MROH1: variants seen among roughly 807,000 people sequenced by gnomAD.
MROH1 encodes the protein maestro heat like repeat family member 1.
MROH1 carries 117 observed loss-of-function variants against 116.5 expected under a neutral mutation model. The observed-to-expected ratio is 1.00, with a 90% CI of 0.86 to 1.17. The LOEUF is 1.17. MROH1 is among the 50% of genes most tolerant of loss of function. MROH1 has a pLI of 0.00. For missense variants in MROH1, 1,873 were observed against 1,338.5 expected, an observed-to-expected ratio of 1.40 and a Z score of -6.23; for synonymous variants, 921 against 583.9, an observed-to-expected ratio of 1.58 and a Z score of -8.32.
At chr8:144,179,678 A>ATAG (rs1377050501) in intron 5 of MROH1, 92 bp downstream of exon 5, 25 of 1,493,940 alleles carry the variant, frequency 1.7e-5, no homozygotes, top group East Asian at 1.5e-4. Flanking sequence ...CCTTGAGAGT[A>ATAG]TAGGGTGGTG....
At position 144,194,751 on chromosome 8, in the gene MROH1, G is replaced by GA. The variant is rs1829423734; in HGVS notation, c.948+2356dup. Among the ~76,000 whole-genome samples, 10 of 151,854 alleles carry GA rather than the reference G, an allele frequency of 6.6e-5. No individual in the cohort carries two copies. In the South Asian group the frequency reaches 2.1e-3, roughly 32 times the overall value. ...AACATAGGGAGACCCCATCTCTACA[G>GA]AAAAAATGTAGCTGAGTACAGTGGC... On this transcript the variant is annotated intron_variant, in intron 10 of 43. Coordinates refer to ENST00000326134, the MANE Select transcript of MROH1 (RefSeq NM_032450.3).
At position 144,200,537 on chromosome 8, in the gene MROH1, A is replaced by C. The variant is rs1309523726; in HGVS notation, c.1137A>C (p.Ser379=). The stretch of plus-strand genomic sequence containing the variant: ...AGGTGGTCAGACATGTCATCAACTC[A>C]GCTGGTGAGTGCCTCCATGCTAGCC... ...TLQVVRHVIN[S]AAAQMEDKKP... is the part of the protein sequence containing the mutation. The change falls in exon 12 of 44, where the codon TCA becomes TCC. Residue 379 remains serine (S), a synonymous_variant. Coordinates refer to ENST00000326134, the MANE Select transcript of MROH1 (RefSeq NM_032450.3). The C allele has an allele frequency of 1.3e-6, 2 of 1,549,756 alleles. No homozygotes were observed. Among genetic ancestry groups the C allele is most frequent in the Middle Eastern group, 1.7e-4 (1 of 5,854 alleles).
rs1279652952 is a variant in MROH1, at chr8:144,260,533, CAGCCCCCACCCGTAA to C, written c.4381-143_4381-129del. 7 of 737,232 alleles carry C rather than the reference CAGCCCCCACCCGTAA, an allele frequency of 9.5e-6. No individual in the cohort carries two copies. In the African/African-American group the frequency reaches 1.0e-4, roughly 11 times the overall value. The allele number at this position is 737,232 out of a possible 1,614,324, so 45.7% of individuals were successfully genotyped here. On this transcript the variant is annotated intron_variant, in intron 39 of 43. Coordinates refer to ENST00000326134, the MANE Select transcript of MROH1 (RefSeq NM_032450.3). Reference sequence around the variant, plus strand: ...AGGGCTGCTGCTTTGCTGGGCCTGGCAGCCCCCACCCGTAAGGCCCCCACCCGTCGGGGTGTTTCC... The same window carrying C: ...AGGGCTGCTGCTTTGCTGGGCCTGGCGGCCCCCACCCGTCGGGGTGTTTCC...
Position 144,258,783 on chromosome 8 carries a change from A to G in MROH1, c.3798A>G (p.Ala1266=). The change falls in exon 36 of 44, where the codon GCA becomes GCG. Residue 1266 remains alanine, a synonymous_variant. Transcript: ENST00000326134. Reference sequence around the variant, plus strand: ...CACCCTGGCAATCCTGCAGCTCTGCAGTGGACACCCTGCGGTCCATGCTAC... The same window carrying G: ...CACCCTGGCAATCCTGCAGCTCTGCGGTGGACACCCTGCGGTCCATGCTAC... ...ATRNLEPCSS[A]VDTLRSMLLR... 7.8e-6 allele frequency: 6 copies of G among 767,862 alleles called. 1 individual carries two copies. Among genetic ancestry groups the G allele is most frequent in the Non-Finnish European group, 1.4e-5 (6 of 413,898 alleles). The allele number at this position is 767,862 out of a possible 1,614,324, so 47.6% of individuals were successfully genotyped here.
At chr8:144,174,963 C>G in intron 4 of MROH1, 3 of 985,434 alleles carry the variant, frequency 3.0e-6, no homozygotes, top group Non-Finnish European at 3.6e-6. Flanking sequence ...CTGGAGAACT[C>G]AGTCCCAGGA....
rs1249149432 is a variant in MROH1, at chr8:144,199,148, C to A, written c.975C>A (p.Ser325Arg). Reference protein sequence around the residue: ...SQICVPVESSSPLVMSNQKEV... With the variant: ...SQICVPVESSRPLVMSNQKEV... ...TCTGTGTGCCTGTGGAGTCCTCAAG[C>A]CCCCTGGTGATGAGTAACCAGAAGG... Residue 325 changes from serine to arginine, a missense_variant, in exon 11 of 44, where the codon AGC (serine) becomes AGA (arginine). By Grantham distance (110) the Ser-to-Arg change is moderately radical (BLOSUM62 -1). Transcript: ENST00000326134. The A allele has an allele frequency of 6.2e-7, 1 of 1,613,754 alleles. No homozygotes were observed. Among genetic ancestry groups the A allele is most frequent in the Admixed American group, 1.7e-5 (1 of 59,966 alleles).
intron 12 of MROH1, among the ~76,000 whole-genome samples, chr8:144,215,348 T>C (rs1835002317): frequency 6.6e-6 from 1 of 152,166 alleles, no homozygotes; most frequent in Non-Finnish European, 1.5e-5. Flanking sequence ...AGAAACACCG[T>C]GGTGAGTGTG....
At position 144,170,889 on chromosome 8, in the gene MROH1, C is replaced by T. The variant is rs574920229; in HGVS notation, c.168+2449C>T. Among the ~76,000 whole-genome samples the T allele has an allele frequency of 5.3e-5, 8 of 152,294 alleles. No individual in the cohort carries two copies. The South Asian group carries it at 1.2e-3, about 24-fold the overall frequency. ...GGGGCCGTCAGGCCATGGGGAGGGACGGGATTTGGGGAAGAGAAGCAAGAA... is the reference window on the plus strand; with the variant it reads ...GGGGCCGTCAGGCCATGGGGAGGGATGGGATTTGGGGAAGAGAAGCAAGAA... On this transcript the variant is annotated intron_variant, in intron 4 of 43. Transcript: ENST00000326134.
intron 19 of MROH1, 58 bp from the exon 20 acceptor site, chr8:144,240,512 C>T: frequency 1.4e-6 from 1 of 711,384 alleles, no homozygotes; most frequent in Non-Finnish European, 2.6e-6. Context: ...TGCCCAGGCT[C>T]CAGCCAGCCC....
At position 144,198,977 on chromosome 8, in the gene MROH1, G is replaced by T. The variant is rs2131771580; in HGVS notation, c.949-145G>T. 4 of 708,060 alleles carry T rather than the reference G, an allele frequency of 5.6e-6. No individual in the cohort carries two copies. In the East Asian group the frequency reaches 1.1e-4, roughly 19 times the overall value. The allele number at this position is 708,060 out of a possible 1,614,324, so 43.9% of individuals were successfully genotyped here. The stretch of plus-strand genomic sequence containing the variant: ...GCATCCAGGGCTTGGGTGAGAAAGA[G>T]CCTGGAGCGCCCGCTGCATGCTGTA... On this transcript the variant is annotated intron_variant, in intron 10 of 43. Transcript: ENST00000326134.
intron 1 of MROH1, among the ~76,000 whole-genome samples, chr8:144,153,098 T>G (rs1159072507): frequency 6.6e-6 from 1 of 152,224 alleles, no homozygotes; most frequent in African/African-American, 2.4e-5. Flanking sequence ...AAGTTGGGAT[T>G]CCACGTGTGA....
intron 1 of MROH1, among the ~76,000 whole-genome samples, chr8:144,157,351 G>A (rs2130721827): frequency 6.6e-6 from 1 of 152,316 alleles, no homozygotes. Flanking sequence ...CAAAGTGCTG[G>A]GATTACAGGC....
In MROH1 at chr8:144,163,721, A is replaced by G; in HGVS notation, c.-56-50A>G. ...GGAAATGGTAATTGCCTGTGAACTC[A>G]GATATCGTAGAGGCTTATGAATTAA... is the stretch of plus-strand genomic sequence containing the variant. On this transcript the variant is annotated intron_variant, in intron 2 of 43. Transcript: ENST00000326134. The surrounding 1 kb of genome is among the most constrained non-coding windows in gnomAD (Gnocchi z 4.4). 8.9e-7 allele frequency: 1 copy of G among 1,118,986 alleles called. No homozygotes were observed. Among genetic ancestry groups the G allele is most frequent in the Non-Finnish European group, 1.3e-6 (1 of 762,042 alleles). 69.3% of individuals were successfully genotyped at this position (1,118,986 alleles called of 1,614,324 possible).
chr8:144,163,387 A>G lies in MROH1; in HGVS notation c.-56-384A>G, dbSNP rs1242768349. 6.6e-6 allele frequency among the ~76,000 whole-genome samples: 1 copy of G among 152,196 alleles called. No homozygotes were observed. Among genetic ancestry groups the G allele is most frequent in the African/African-American group, 2.4e-5 (1 of 41,452 alleles). On this transcript the variant is annotated intron_variant, in intron 2 of 43. Transcript: ENST00000326134. This position sits in a 1 kb window ranked among gnomAD's most constrained non-coding sequence, Gnocchi z 4.4. Reference sequence around the variant, plus strand: ...GGACCATTGTTGCATGCAGTGGCGCATGGCATGTGATGTGTGAAAGCTGTG... The same window carrying G: ...GGACCATTGTTGCATGCAGTGGCGCGTGGCATGTGATGTGTGAAAGCTGTG...
chr8:144,179,531 A>G lies in MROH1; in HGVS notation c.245A>G (p.Lys82Arg). Residue 82 changes from lysine to arginine, a missense_variant, in exon 5 of 44, where the codon AAG becomes AGG. Coordinates refer to ENST00000326134, the MANE Select transcript of MROH1 (RefSeq NM_032450.3). ...AGCAGTCGCGCCAGTGAGCTGGACA[A>G]GGACACAGCCAGCACCATCATCCTC... The part of the protein sequence containing the change: ...VLSSRASELD[K>R]DTASTIILLA... 1.2e-6 allele frequency: 2 copies of G among 1,613,508 alleles called. No homozygotes were observed. The highest frequency in any genetic ancestry group is 2.2e-5 in the East Asian group (1 of 44,868).
At chr8:144,226,210 C>T (rs1238055200) in intron 14 of MROH1, among the ~76,000 whole-genome samples, 3 of 151,972 alleles carry the variant, frequency 2.0e-5, no homozygotes, top group Non-Finnish European at 2.9e-5. Flanking sequence ...CCACTGTGCC[C>T]GGCCTTTTGA....
intron 14 of MROH1, among the ~76,000 whole-genome samples, chr8:144,223,560 T>C (rs569767414): frequency 6.6e-6 from 1 of 152,296 alleles, no homozygotes; most frequent in African/African-American, 2.4e-5. Flanking sequence ...GCCTCTGCAT[T>C]GAGCCAGTCC....
intron 12 of MROH1, 60 bp from the exon 13 acceptor site, chr8:144,220,539 GA>G: frequency 6.8e-7 from 1 of 1,475,736 alleles, no homozygotes; most frequent in Non-Finnish European, 9.2e-7. Flanking sequence ...TGGTGATGTG[GA>G]ATGGACCTTG....
chr8:144,226,902 C>T (rs1657720608), intron 14 of MROH1, among the ~76,000 whole-genome samples: 1 of 152,206 alleles, frequency 6.6e-6, no homozygotes, highest in African/African-American at 2.4e-5. Flanking sequence ...TCCATGAAAG[C>T]AGTACATTTC....
Sources: gnomAD v4.1 joint callset for allele counts (sites outside exome capture counted in the v4.1 genomes callset) on GRCh38, gnomAD v4.1.1 for gene constraint, Gnocchi (gnomAD v3.1) non-coding constraint, MANE v1.5 for transcripts, NCBI Gene and HGNC (gene_info 2026-07-23, HGNC 2026-07-21) for gene names.